The following ERP44 variants were observed in gnomAD, a reference collection of about 807,000 sequenced individuals.
The protein encoded by ERP44 is endoplasmic reticulum resident protein 44.
A neutral mutation model predicts 53.4 loss-of-function variants in ERP44; 25 were observed. That is an observed-to-expected ratio of 0.47 (90% CI 0.34 to 0.65). The LOEUF (loss-of-function observed/expected upper bound fraction) is 0.65, where lower values mean the gene tolerates loss of function less well. Ranked by LOEUF, ERP44 falls within the 30% of genes least tolerant of loss-of-function variation. The probability of loss-of-function intolerance (pLI) is 0.01; values close to 1 mark genes in which losing one functional copy is unlikely to be tolerated. For synonymous variants in ERP44, 145 were observed against 161.2 expected (o/e 0.90, Z 0.76); for missense variants, 338 against 493.2 (o/e 0.69, Z 2.98).
At chr9:100,038,006 G>A (rs11515448) in intron 4 of ERP44, among the ~76,000 whole-genome samples, 28,671 of 151,854 alleles carry the variant, frequency 0.19, 4,298 homozygotes, top group African/African-American at 0.42. Context: ...TATTATAGTG[G>A]CAAAAACATC....
chr9:100,089,440 G>A (rs1250351594), intron 1 of ERP44, among the ~76,000 whole-genome samples: 1 of 152,090 alleles, frequency 6.6e-6, no homozygotes, highest in African/African-American at 2.4e-5. Flanking sequence ...AATTAGCTGG[G>A]TGTAGTGGCG....
intron 4 of ERP44, among the ~76,000 whole-genome samples, chr9:100,044,165 T>C (rs1241580954): frequency 6.6e-6 from 1 of 152,242 alleles, no homozygotes; most frequent in Non-Finnish European, 1.5e-5. Context: ...TAATGATAAC[T>C]GTAGTGCCTA....
chr9:100,077,427 G>A (rs7047092), intron 1 of ERP44, among the ~76,000 whole-genome samples: 69,584 of 151,642 alleles, frequency 0.46, 17,287 homozygotes, highest in East Asian at 0.9. Context: ...TGCAGGGCTC[G>A]GGCAAAGTTC....
chr9:100,078,064 G>A (rs1203308827), intron 1 of ERP44, among the ~76,000 whole-genome samples: 3 of 152,218 alleles, frequency 2.0e-5, no homozygotes, highest in Admixed American at 6.5e-5. Flanking sequence ...TACCAGTTAC[G>A]ACCATGTGGC....
At chr9:100,062,152 C>G (rs560270721) in intron 1 of ERP44, among the ~76,000 whole-genome samples, 3 of 152,128 alleles carry the variant, frequency 2.0e-5, no homozygotes, top group Non-Finnish European at 4.4e-5. Context: ...GATCATACCC[C>G]CTTTGTCCAG....
chr9:100,010,602 G>T (rs949402562), intron 8 of ERP44, among the ~76,000 whole-genome samples: 2 of 152,056 alleles, frequency 1.3e-5, no homozygotes, highest in African/African-American at 4.8e-5. Flanking sequence ...GCCTACAGAA[G>T]TAAGAAAACC....
In ERP44 at chr9:100,007,686, A is replaced by G. The variant is rs768142376; in HGVS notation, c.766T>C (p.Leu256=). 1.4e-6 allele frequency: 2 copies of G among 1,478,844 alleles called. No homozygotes were observed. The highest frequency in any genetic ancestry group is 1.9e-6 in the Non-Finnish European group (2 of 1,056,686). 91.6% of individuals were successfully genotyped at this position (1,478,844 alleles called of 1,614,324 possible). The part of the protein sequence containing the change: ...REITFENGEE[L]TEEGLPFLIL... ...AGAAAAGGCAGTCCTTCTTCTGTCA[A>G]TTCCTGTAGAGAGAAGCATTCAATG... The change falls in exon 9 of 12, where the codon TTG becomes CTG. Residue 256 remains leucine, a synonymous_variant. Transcript: ENST00000262455.
At chr9:100,092,163 G>T (rs771129140) in intron 1 of ERP44, among the ~76,000 whole-genome samples, 25 of 152,204 alleles carry the variant, frequency 1.6e-4, no homozygotes, top group Non-Finnish European at 3.4e-4. Context: ...TGGAATCAAA[G>T]TTAGGCTAAA....
chr9:100,046,352 G>C (rs1825969821), intron 4 of ERP44, among the ~76,000 whole-genome samples: 1 of 152,070 alleles, frequency 6.6e-6, no homozygotes, highest in Non-Finnish European at 1.5e-5. Flanking sequence ...AAGTGGAAGA[G>C]GGATAAAATC....
At chr9:100,021,064 C>T (rs1204361144) in intron 5 of ERP44, among the ~76,000 whole-genome samples, 1 of 152,150 alleles carries the variant, frequency 6.6e-6, no homozygotes, top group Non-Finnish European at 1.5e-5. Flanking sequence ...TCAATCATAA[C>T]TTGTGACTGT....
chr9:100,043,397 G>A (rs1457660105), intron 4 of ERP44, among the ~76,000 whole-genome samples: 2 of 149,152 alleles, frequency 1.3e-5, no homozygotes, highest in East Asian at 2.1e-4. Context: ...GATCTCAATC[G>A]TTTTAAAGAC....
At chr9:100,057,324 C>T (rs1826096432) in intron 3 of ERP44, among the ~76,000 whole-genome samples, 2 of 152,082 alleles carry the variant, frequency 1.3e-5, no homozygotes, top group Non-Finnish European at 2.9e-5. Flanking sequence ...TATCTCTGCC[C>T]TCAAAGTTTG....
At chr9:100,012,707 A>C (rs1315690670) in intron 8 of ERP44, among the ~76,000 whole-genome samples, 1 of 152,212 alleles carries the variant, frequency 6.6e-6, no homozygotes, top group Non-Finnish European at 1.5e-5. Flanking sequence ...CGTTTAAATC[A>C]GGTAAAAAAA....
intron 10 of ERP44, among the ~76,000 whole-genome samples, chr9:99,999,590 T>A (rs981819885): frequency 1.3e-5 from 2 of 152,236 alleles, no homozygotes; most frequent in African/African-American, 4.8e-5. Context: ...TAACCCCTCA[T>A]CAGATGTATG....
chr9:99,989,753 C>T (rs531443144), intron 10 of ERP44, among the ~76,000 whole-genome samples: 43 of 152,264 alleles, frequency 2.8e-4, no homozygotes, highest in African/African-American at 1.0e-3. Context: ...GATGTTCGAA[C>T]CCATCACAAG....
chr9:100,073,085 G>A (rs1477737826), intron 1 of ERP44, among the ~76,000 whole-genome samples: 1 of 152,144 alleles, frequency 6.6e-6, no homozygotes, highest in East Asian at 1.9e-4. Context: ...ATTTTAAGTG[G>A]TGATTTGGAT....
intron 1 of ERP44, among the ~76,000 whole-genome samples, chr9:100,085,585 C>T (rs1826470680): frequency 6.6e-6 from 1 of 152,224 alleles, no homozygotes; most frequent in Non-Finnish European, 1.5e-5. Flanking sequence ...GCAAATGAAA[C>T]TGCATAACTA....
chr9:100,018,796 T>C (rs566618202), intron 6 of ERP44, among the ~76,000 whole-genome samples: 1 of 152,328 alleles, frequency 6.6e-6, no homozygotes, highest in East Asian at 1.9e-4. Context: ...AATCAATTTT[T>C]AGATTAATTG....
At chr9:100,076,086 G>T (rs944636376) in intron 1 of ERP44, among the ~76,000 whole-genome samples, 2 of 152,210 alleles carry the variant, frequency 1.3e-5, no homozygotes, top group African/African-American at 4.8e-5. Flanking sequence ...CTCCTTTTGA[G>T]AGACAGCTCT....
Sources: allele counts gnomAD v4.1 joint callset (sites outside exome capture counted in the v4.1 genomes callset), GRCh38; gene constraint gnomAD v4.1.1; transcripts MANE v1.5; gene names NCBI Gene and HGNC (gene_info 2026-07-23, HGNC 2026-07-21).